Variants in ADGRE5 observed in about 807,000 individuals in gnomAD.
ADGRE5 encodes CD97 molecule.
A neutral mutation model predicts 100.3 loss-of-function variants in ADGRE5; 72 were observed. The ratio of observed to expected loss-of-function variants is 0.72; its 90% CI spans 0.59 to 0.87. ADGRE5 has a LOEUF of 0.87. Among genes scored for constraint, ADGRE5 ranks in the 40% least tolerant of loss-of-function variants. The probability of loss-of-function intolerance (pLI) is 0.00; values close to 1 mark genes in which losing one functional copy is unlikely to be tolerated. For synonymous variants in ADGRE5, 439 were observed against 447.8 expected, an observed-to-expected ratio of 0.98 and a Z score of 0.25; for missense variants, 959 against 1,094.7, an observed-to-expected ratio of 0.88 and a Z score of 1.75.
chr19:14,389,849 A>G (rs1194833982), intron 3 of ADGRE5, among the ~76,000 whole-genome samples: 1 of 151,980 alleles, frequency 6.6e-6, no homozygotes, highest in East Asian at 1.9e-4. Context: ...CGGGCGGATC[A>G]CCTGAGGTTG....
At chr19:14,384,788 C>T (rs1193909464) in intron 1 of ADGRE5, among the ~76,000 whole-genome samples, 2 of 151,668 alleles carry the variant, frequency 1.3e-5, no homozygotes, top group African/African-American at 2.4e-5. Context: ...CTCTCTATCA[C>T]CATGTAATTT....
At chr19:14,397,255 C>A in intron 6 of ADGRE5, 32 bp downstream of exon 6, 1 of 1,613,816 alleles carries the variant, frequency 6.2e-7, no homozygotes, top group Non-Finnish European at 8.5e-7. Context: ...TTTCTAGCGA[C>A]CCACAAACAT....
rs1302713798 is a variant in ADGRE5, at chr19:14,401,525, C to T, written c.1037C>T (p.Pro346Leu). The change falls in exon 10 of 20, where the codon CCT (proline) becomes CTT (leucine). Residue 346 changes from proline to leucine, a missense_variant. Around this residue, in one of 6 missense-constraint regions of ADGRE5, gnomAD observed 246 missense variants for 242.2 expected, o/e 1.02. Coordinates refer to ENST00000242786, the MANE Select transcript of ADGRE5 (RefSeq NM_078481.4). This position sits in a 1 kb window ranked among gnomAD's most constrained non-coding sequence, Gnocchi z 4.1. ...DIMRILAKSL[P>L]KGPFTYISPS... ...ATGAGGATCCTGGCCAAGAGCCTGC[C>T]TAAAGGCCCCTTCACCTACATTTCC... The T allele has an allele frequency of 1.9e-6, 3 of 1,614,050 alleles. No individual in the cohort carries two copies. In the African/African-American group the frequency reaches 4.0e-5, roughly 22 times the overall value.
chr19:14,392,230 A>G (rs545811417), intron 4 of ADGRE5, among the ~76,000 whole-genome samples: 1 of 152,204 alleles, frequency 6.6e-6, no homozygotes, highest in African/African-American at 2.4e-5. Flanking sequence ...CCTGGGTAAC[A>G]TTTCAAGACC....
chr19:14,403,847 A>G (rs1196680351), intron 12 of ADGRE5, among the ~76,000 whole-genome samples: 1 of 144,200 alleles, frequency 6.9e-6, no homozygotes, highest in Non-Finnish European at 1.5e-5. Flanking sequence ...GGTTTATGTC[A>G]TAATCTGCCT....
At chr19:14,398,277 AT>A in intron 9 of ADGRE5, 138 bp downstream of exon 9, 2 of 714,274 alleles carry the variant, frequency 2.8e-6, no homozygotes, top group Middle Eastern at 5.1e-4. Context: ...CACACACCAC[AT>A]ACAGTATGTG....
chr19:14,406,319 C>A lies in ADGRE5; in HGVS notation c.1822-12C>A. On this transcript the variant is annotated splice_polypyrimidine_tract_variant and intron_variant, in intron 14 of 19. Coordinates refer to ENST00000242786, the MANE Select transcript of ADGRE5 (RefSeq NM_078481.4). The surrounding 1 kb of genome is among the most constrained non-coding windows in gnomAD (Gnocchi z 6.0). ...GCTGACGTCGCTCCGCCCCTCCGTCCCCGCCCCGCAGGTGGGGCTGCGCTG... is the reference window on the plus strand; with the variant it reads ...GCTGACGTCGCTCCGCCCCTCCGTCACCGCCCCGCAGGTGGGGCTGCGCTG... The A allele has an allele frequency of 6.5e-7, 1 of 1,544,618 alleles. No homozygotes were observed. Among genetic ancestry groups the A allele is most frequent in the African/African-American group, 1.4e-5 (1 of 73,398 alleles).
intron 1 of ADGRE5, among the ~76,000 whole-genome samples, chr19:14,384,264 C>T (rs1290859316): frequency 1.3e-5 from 2 of 151,940 alleles, no homozygotes; most frequent in East Asian, 1.9e-4. Flanking sequence ...GGGATCTCTG[C>T]CTTCCACCCA....
chr19:14,393,945 C>T (rs985971055), intron 4 of ADGRE5, among the ~76,000 whole-genome samples: 2 of 152,168 alleles, frequency 1.3e-5, no homozygotes, highest in Non-Finnish European at 2.9e-5. Flanking sequence ...GTTTTCAGCC[C>T]CTGCTCATCT....
intron 1 of ADGRE5, among the ~76,000 whole-genome samples, 199 bp from the exon 2 acceptor site, chr19:14,388,251 A>T (rs927634033): frequency 4.2e-4 from 63 of 151,048 alleles, no homozygotes; most frequent in African/African-American, 1.5e-3. Flanking sequence ...AAACAAAAAA[A>T]CCCGCCCCTA....
chr19:14,386,817 C>T (rs1008167508), intron 1 of ADGRE5, among the ~76,000 whole-genome samples: 17 of 151,580 alleles, frequency 1.1e-4, no homozygotes, highest in African/African-American at 4.1e-4. Context: ...AGTTCAAGAC[C>T]AGCCTGGCCA....
At chr19:14,405,157 T>C (rs1415373187) in intron 13 of ADGRE5, 2 of 153,314 alleles carry the variant, frequency 1.3e-5, no homozygotes, top group Non-Finnish European at 1.5e-5. Flanking sequence ...TTTTTTTTTT[T>C]CTTTTGGACA....
chr19:14,382,622 A>C (rs957398988), intron 1 of ADGRE5, among the ~76,000 whole-genome samples: 10 of 151,966 alleles, frequency 6.6e-5, no homozygotes, highest in African/African-American at 2.4e-4. Flanking sequence ...CAGCACTTTG[A>C]GAGGCCGAGG....
At chr19:14,391,361 G>A (rs1225809686) in intron 4 of ADGRE5, 4 of 458,880 alleles carry the variant, frequency 8.7e-6, no homozygotes, top group African/African-American at 5.9e-5. Context: ...CATGTGAGAT[G>A]TGATAACGTT....
At chr19:14,407,830 G>A (rs1346132439) in intron 18 of ADGRE5, 78 bp from the exon 19 acceptor site, 3 of 1,219,096 alleles carry the variant, frequency 2.5e-6, no homozygotes, top group Non-Finnish European at 3.6e-6. Flanking sequence ...AGAAGGTGGG[G>A]CTGAGGGCAG....
intron 3 of ADGRE5, among the ~76,000 whole-genome samples, chr19:14,389,994 T>C (rs927668771): frequency 3.3e-5 from 5 of 151,640 alleles, no homozygotes; most frequent in African/African-American, 1.2e-4. Context: ...GAGAATCGCT[T>C]GAACCCGGGA....
intron 1 of ADGRE5, 77 bp from the exon 2 acceptor site, chr19:14,388,373 C>T: frequency 2.0e-6 from 3 of 1,501,878 alleles, no homozygotes. Flanking sequence ...CATCCTCCTC[C>T]CACAAAGTGC....
intron 4 of ADGRE5, among the ~76,000 whole-genome samples, chr19:14,395,454 G>T (rs754820155): frequency 3.9e-5 from 6 of 152,128 alleles, no homozygotes; most frequent in Admixed American, 6.6e-5. Flanking sequence ...ACCACTCAAG[G>T]ACAGAGATGG....
Position 14,401,836 on chromosome 19 carries a change from G to T in ADGRE5, c.1183+76G>T, listed in dbSNP as rs149784248. 1,270 of 1,039,132 alleles carry T rather than the reference G, an allele frequency of 1.2e-3. 12 individuals carry two copies. The African/African-American group carries it at 0.019, about 15-fold the overall frequency. The allele number at this position is 1,039,132 out of a possible 1,614,324, so 64.4% of individuals were successfully genotyped here. The stretch of plus-strand genomic sequence containing the variant: ...TGGGATGGGGCCAGGGTGAGGTTCA[G>T]AATAGAACAACTGACTGGGCGCGGT... On this transcript the variant is annotated intron_variant, in intron 11 of 19. Transcript: ENST00000242786. This position sits in a 1 kb window ranked among gnomAD's most constrained non-coding sequence, Gnocchi z 4.1.
Sources: allele counts gnomAD v4.1 joint callset (sites outside exome capture counted in the v4.1 genomes callset), GRCh38; gene constraint gnomAD v4.1.1; regional missense constraint gnomAD v4.1.1; non-coding constraint Gnocchi (gnomAD v3.1); transcripts MANE v1.5; gene names NCBI Gene and HGNC (gene_info 2026-07-23, HGNC 2026-07-21).